Variants in ST7 observed in about 807,000 individuals in gnomAD.
The protein encoded by ST7 is suppression of tumorigenicity 7.
ST7 carries 28 observed loss-of-function variants against 78.7 expected under a neutral mutation model. That is an observed-to-expected ratio of 0.36 (90% CI 0.26 to 0.49). The LOEUF (loss-of-function observed/expected upper bound fraction) is 0.49, where lower values mean the gene tolerates loss of function less well. ST7 is among the 20% of genes least tolerant of loss of function. The pLI, the probability that ST7 is intolerant of heterozygous loss-of-function variation, is 0.99. For missense variants in ST7, 418 were observed against 696.0 expected (o/e 0.60, Z 4.49); for synonymous variants, 247 against 249.6 (o/e 0.99, Z 0.10).
intron 2 of ST7, among the ~76,000 whole-genome samples, chr7:117,109,289 GA>G (rs1182304327): frequency 3.3e-5 from 5 of 152,170 alleles, no homozygotes; most frequent in Non-Finnish European, 7.4e-5. Context: ...TTCTTTTGAA[GA>G]GATGAATAAA....
chr7:117,162,443 T>C (rs1428797177), intron 9 of ST7, among the ~76,000 whole-genome samples: 1 of 151,470 alleles, frequency 6.6e-6, no homozygotes, highest in Non-Finnish European at 1.5e-5. Context: ...TACCCCATTA[T>C]CTGTTTAGTC....
intron 10 of ST7, among the ~76,000 whole-genome samples, chr7:117,183,424 A>T (rs1249940816): frequency 6.9e-6 from 1 of 144,398 alleles, no homozygotes; most frequent in East Asian, 2.0e-4. Context: ...AACTCTGTCT[A>T]AAAAAAAAAA....
intron 1 of ST7, among the ~76,000 whole-genome samples, chr7:117,059,182 A>G (rs1798216436): frequency 6.6e-6 from 1 of 152,226 alleles, no homozygotes; most frequent in South Asian, 2.1e-4. Context: ...AGAAATAACT[A>G]AAAGAGTGTA....
intron 1 of ST7, among the ~76,000 whole-genome samples, chr7:116,983,699 C>A (rs1794063770): frequency 6.6e-6 from 1 of 152,080 alleles, no homozygotes; most frequent in Non-Finnish European, 1.5e-5. Context: ...CCGCTACCAA[C>A]CCCCACTGTC....
Position 117,216,687 on chromosome 7 carries a change from C to T in ST7, c.1406-2397C>T, listed in dbSNP as rs371571844. On this transcript the variant is annotated intron_variant, in intron 13 of 15. Coordinates refer to ENST00000323984, the MANE Select transcript of ST7 (RefSeq NM_001369598.1). ...CTGCTTATCTCACACTTGACTGGGC[C>T]CTGCACTGCAGGGTGGGTAAAGGAT... Among the ~76,000 whole-genome samples the T allele has an allele frequency of 2.6e-4, 40 of 152,136 alleles. No homozygotes were observed. The East Asian group carries it at 3.3e-3, about 12-fold the overall frequency.
chr7:117,223,529 C>T (rs1793248937), intron 15 of ST7: 1 of 157,110 alleles, frequency 6.4e-6, no homozygotes, highest in Non-Finnish European at 1.4e-5. Context: ...GTGGATCACT[C>T]ACCATTCCCA....
intron 10 of ST7, among the ~76,000 whole-genome samples, chr7:117,181,172 A>G (rs1808732716): frequency 6.6e-6 from 1 of 152,222 alleles, no homozygotes; most frequent in Non-Finnish European, 1.5e-5. Context: ...ATTAAAGTGT[A>G]CAAAAAGATC....
At chr7:117,021,476 G>C (rs1282230215) in intron 1 of ST7, among the ~76,000 whole-genome samples, 13 of 152,218 alleles carry the variant, frequency 8.5e-5, no homozygotes, top group African/African-American at 3.1e-4. Flanking sequence ...CAACCTGCTG[G>C]CTAGAGCATT....
chr7:117,021,934 G>A (rs1396495119), intron 1 of ST7, among the ~76,000 whole-genome samples: 1 of 152,172 alleles, frequency 6.6e-6, no homozygotes, highest in Non-Finnish European at 1.5e-5. Context: ...TTTCATTTCA[G>A]TCATGGAATT....
At chr7:117,078,721 G>A (rs1466401751) in intron 1 of ST7, among the ~76,000 whole-genome samples, 3 of 152,146 alleles carry the variant, frequency 2.0e-5, no homozygotes, top group Non-Finnish European at 4.4e-5. Flanking sequence ...TGTTGTTATG[G>A]GTTTGAATTA....
At chr7:117,045,105 TCCA>T (rs1229049534) in intron 1 of ST7, among the ~76,000 whole-genome samples, 5 of 152,066 alleles carry the variant, frequency 3.3e-5, no homozygotes, top group Non-Finnish European at 4.4e-5. Flanking sequence ...CACCATTGCC[TCCA>T]CCATTACTAC....
chr7:116,981,610 C>T (rs1793964766), intron 1 of ST7, among the ~76,000 whole-genome samples: 3 of 152,196 alleles, frequency 2.0e-5, no homozygotes, highest in East Asian at 1.9e-4. Flanking sequence ...AGATAACAAG[C>T]ATTTTTGTGG....
chr7:117,135,592 C>T (rs1471845621), intron 7 of ST7, among the ~76,000 whole-genome samples: 2 of 152,038 alleles, frequency 1.3e-5, no homozygotes, highest in African/African-American at 4.8e-5. Context: ...GTTTAGTTAA[C>T]AGAAGTAAAC....
At chr7:117,000,000 A>G (rs1298600671) in intron 1 of ST7, among the ~76,000 whole-genome samples, 1 of 151,632 alleles carries the variant, frequency 6.6e-6, no homozygotes, top group East Asian at 1.9e-4. Context: ...TTTAGTAGAG[A>G]TGGGGTTTCA....
intron 1 of ST7, among the ~76,000 whole-genome samples, chr7:117,022,003 A>T (rs1236042891): frequency 6.6e-6 from 1 of 151,990 alleles, no homozygotes; most frequent in African/African-American, 2.4e-5. Flanking sequence ...GGAAAATTAG[A>T]CCTGTTACTT....
At chr7:116,995,076 A>G (rs1044091565) in intron 1 of ST7, among the ~76,000 whole-genome samples, 1 of 152,136 alleles carries the variant, frequency 6.6e-6, no homozygotes, top group Non-Finnish European at 1.5e-5. Flanking sequence ...CTCCTTCACC[A>G]AAGCCTGTGC....
chr7:116,961,016 A>G (rs1266165695), intron 1 of ST7, among the ~76,000 whole-genome samples: 1 of 152,154 alleles, frequency 6.6e-6, no homozygotes, highest in Non-Finnish European at 1.5e-5. Flanking sequence ...TCCACTTTCA[A>G]TCTTTTGCAT....
At chr7:117,007,375 T>G (rs1795200319) in intron 1 of ST7, among the ~76,000 whole-genome samples, 1 of 152,218 alleles carries the variant, frequency 6.6e-6, no homozygotes, top group Admixed American at 6.5e-5. Flanking sequence ...AGCAAGGAAC[T>G]CTCTTTAATT....
chr7:117,200,833 TTA>T (rs1045338953), intron 12 of ST7, among the ~76,000 whole-genome samples: 56 of 52,148 alleles, frequency 1.1e-3, no homozygotes, highest in Admixed American at 2.8e-3. Context: ...TTTTTTTTTT[TTA>T]AAAAAAAAAG....
Sources: gnomAD v4.1 joint callset for allele counts (sites outside exome capture counted in the v4.1 genomes callset) on GRCh38, gnomAD v4.1.1 for gene constraint, MANE v1.5 for transcripts, NCBI Gene and HGNC (gene_info 2026-07-23, HGNC 2026-07-21) for gene names.